PACS2: variants seen among roughly 807,000 people sequenced by gnomAD.
PACS2 encodes PACS1-like protein.
A neutral mutation model predicts 113.0 loss-of-function variants in PACS2; 36 were observed. The observed-to-expected ratio is 0.32, with a 90% CI of 0.24 to 0.42. The LOEUF (loss-of-function observed/expected upper bound fraction) is 0.42. Ranked by LOEUF, PACS2 falls within the 10% of genes least tolerant of loss-of-function variation. The pLI is 1.00. For missense variants in PACS2, 1,015 were observed against 1,239.5 expected, an observed-to-expected ratio of 0.82 and a Z score of 2.72; for synonymous variants, 589 against 536.1, an observed-to-expected ratio of 1.10 and a Z score of -1.36.
intron 7 of PACS2, among the ~76,000 whole-genome samples, chr14:105,369,597 T>G (rs2141159507): frequency 1.3e-5 from 2 of 152,240 alleles, no homozygotes; most frequent in South Asian, 4.1e-4. Flanking sequence ...CAGAGGCTTC[T>G]GGAAGAACCA....
chr14:105,374,434 A>T (rs1483607062), intron 8 of PACS2, among the ~76,000 whole-genome samples: 1 of 152,244 alleles, frequency 6.6e-6, no homozygotes, highest in East Asian at 1.9e-4. Flanking sequence ...TGAATCCAGA[A>T]CACATAAAGA....
At position 105,395,568 on chromosome 14, in the gene PACS2, G is replaced by C. The variant is rs2081507588; in HGVS notation, c.*896G>C. 1 of 152,292 alleles carries C rather than the reference G, an allele frequency of 6.6e-6. No homozygotes were observed. The highest frequency in any genetic ancestry group is 1.5e-5 in the Non-Finnish European group (1 of 68,084). The allele number at this position is 152,292 out of a possible 1,614,324, so 9.4% of individuals were successfully genotyped here. A position where few individuals can be genotyped will look rare whatever the true frequency, so the allele number is the denominator to read the frequency against. ...CTGAGGTCAGCCATGGGGATATCTG[G>C]GTTGAGATTCAGGTTTTGGTGAATA... On this transcript the variant is annotated 3_prime_UTR_variant, in exon 25 of 25. Coordinates refer to ENST00000447393, the MANE Select transcript of PACS2 (RefSeq NM_001100913.3).
chr14:105,369,990 C>G (rs1555408985), intron 8 of PACS2, 90 bp downstream of exon 8: 7 of 1,134,946 alleles, frequency 6.2e-6, no homozygotes, highest in Non-Finnish European at 8.9e-6. Flanking sequence ...TCCGGGCCAC[C>G]TCTGGTTCTG....
chr14:105,377,008 C>T, intron 9 of PACS2, 83 bp downstream of exon 9: 2 of 1,423,598 alleles, frequency 1.4e-6, no homozygotes, highest in Non-Finnish European at 1.9e-6. Context: ...AGACCCATGT[C>T]CAGCCCTGGA....
At chr14:105,370,790 C>T (rs1367637317) in intron 8 of PACS2, 2 of 152,118 alleles carry the variant, frequency 1.3e-5, no homozygotes, top group East Asian at 1.9e-4. Flanking sequence ...GAACTCCTGG[C>T]CTCAAGTGAT....
At chr14:105,302,915 G>A (rs971807943) in intron 1 of PACS2, among the ~76,000 whole-genome samples, 2 of 151,670 alleles carry the variant, frequency 1.3e-5, no homozygotes, top group African/African-American at 4.9e-5. Flanking sequence ...ACAGGCATGA[G>A]CCACTGCTCC....
At chr14:105,367,095 AG>A (rs1444910637) in intron 4 of PACS2, 117 bp from the exon 5 acceptor site, 1 of 889,496 alleles carries the variant, frequency 1.1e-6, no homozygotes, top group African/African-American at 1.7e-5. Flanking sequence ...TGCCCTGCTG[AG>A]GGTCCCCCTT....
chr14:105,313,322 C>T (rs144196917), upstream of PACS2, among the ~76,000 whole-genome samples: 105 of 152,328 alleles, frequency 6.9e-4, no homozygotes, highest in African/African-American at 2.4e-3. Context: ...GCTACCCCCT[C>T]TCTGGACATA....
chr14:105,391,542 G>C, intron 21 of PACS2, 89 bp from the exon 22 acceptor site: 1 of 881,164 alleles, frequency 1.1e-6, no homozygotes, highest in Non-Finnish European at 1.6e-6. Context: ...GGAGCTGCCT[G>C]GCCTGGCCAC....
chr14:105,375,540 C>G (rs1384891636), intron 8 of PACS2, among the ~76,000 whole-genome samples: 2 of 149,524 alleles, frequency 1.3e-5, no homozygotes, highest in African/African-American at 2.5e-5. Flanking sequence ...CAAAGACACA[C>G]AAGTAGCCAA....
Position 105,361,727 on chromosome 14 carries a change from G to A in PACS2, c.424-5486G>A, listed in dbSNP as rs1227352984. Among the ~76,000 whole-genome samples, 5 of 150,850 alleles carry A rather than the reference G, an allele frequency of 3.3e-5. No individual in the cohort carries two copies. The East Asian group carries it at 8.0e-4, about 24-fold the overall frequency. The stretch of plus-strand genomic sequence containing the variant: ...CACTTTGGGAGGCCAAGGCGGGCAG[G>A]TCACCTGAGGTCGGGAGCTCGAGAC... On this transcript the variant is annotated intron_variant, in intron 4 of 24. Coordinates refer to ENST00000447393, the MANE Select transcript of PACS2 (RefSeq NM_001100913.3).
chr14:105,387,233 G>T (rs1171560325), intron 19 of PACS2, among the ~76,000 whole-genome samples: 3 of 152,210 alleles, frequency 2.0e-5, no homozygotes, highest in East Asian at 1.9e-4. Flanking sequence ...TGTGACGGGG[G>T]ACCTGTGCAG....
At position 105,381,010 on chromosome 14, in the gene PACS2, T is replaced by C; in HGVS notation, c.1179T>C (p.Ala393=). The part of the protein sequence containing the change: ...HPGQPEDSPE[A]EASTLDVFTE... ...GACAGCCTGAGGACAGCCCCGAGGC[T>C]GAGGCCTCCACCCTGGATGTGTTCA... Residue 393 remains alanine (A), a synonymous_variant, in exon 12 of 25, where the codon GCT becomes GCC. Transcript: ENST00000447393. 6.2e-7 allele frequency: 1 copy of C among 1,612,462 alleles called. No homozygotes were observed. The highest frequency in any genetic ancestry group is 8.5e-7 in the Non-Finnish European group (1 of 1,179,652).
rs782149817 is a variant in PACS2, at chr14:105,352,514, G to A, written c.297+47G>A. ...ACGACACCCTCATCACTGTCCCCTGGGGAGACGGGCCCCCCTCATCACTGT... is the reference window on the plus strand; with the variant it reads ...ACGACACCCTCATCACTGTCCCCTGAGGAGACGGGCCCCCCTCATCACTGT... On this transcript the variant is annotated intron_variant, in intron 3 of 24. Transcript: ENST00000447393. 1.2e-5 allele frequency: 14 copies of A among 1,204,238 alleles called. 1 individual carries two copies. The South Asian group carries it at 1.7e-4, about 15-fold the overall frequency. 74.6% of individuals were successfully genotyped at this position (1,204,238 alleles called of 1,614,324 possible).
chr14:105,319,715 G>C (rs1276104670), intron 1 of PACS2, among the ~76,000 whole-genome samples: 1 of 152,126 alleles, frequency 6.6e-6, no homozygotes, highest in Non-Finnish European at 1.5e-5. Context: ...TGTTGAATAT[G>C]GTTGGTTGCG....
chr14:105,379,771 C>G lies in PACS2; in HGVS notation c.992C>G (p.Ser331Trp), dbSNP rs782775661. 1.2e-6 allele frequency: 2 copies of G among 1,613,716 alleles called. No individual in the cohort carries two copies. Among genetic ancestry groups the G allele is most frequent in the East Asian group, 2.2e-5 (1 of 44,882 alleles). Residue 331 changes from serine (S) to tryptophan (W), a missense_variant, in exon 10 of 25, where the codon TCG becomes TGG. Around this residue, in one of 3 missense-constraint regions of PACS2, gnomAD observed 859 missense variants for 1,056.8 expected, o/e 0.81. Coordinates refer to ENST00000447393, the MANE Select transcript of PACS2 (RefSeq NM_001100913.3). The part of the protein sequence containing the change: ...PYFEGLSHSS[S>W]QTEIGSIHSA... ...TTTGAAGGCCTGTCGCACTCGAGCT[C>G]GCAGACGGAGATTGGGAGCATCCAC...
At chr14:105,378,068 C>A (rs1230813121) in intron 9 of PACS2, among the ~76,000 whole-genome samples, 1 of 152,226 alleles carries the variant, frequency 6.6e-6, no homozygotes, top group Non-Finnish European at 1.5e-5. Flanking sequence ...ACCTTCGGAA[C>A]CAGCAAGGCC....
chr14:105,349,198 C>T lies in PACS2; in HGVS notation c.207+618C>T, dbSNP rs782108391. ...AGTGGCCCAGACAGGGAGGTGTCCC[C>T]GCCAACTGTCAGGGCCACCCCTGCC... On this transcript the variant is annotated intron_variant, in intron 2 of 24. Coordinates refer to ENST00000447393, the MANE Select transcript of PACS2 (RefSeq NM_001100913.3). Among the ~76,000 whole-genome samples the T allele has an allele frequency of 2.2e-4, 34 of 152,374 alleles. 1 individual carries two copies. In the Middle Eastern group the frequency reaches 0.02, roughly 91 times the overall value.
intron 1 of PACS2, among the ~76,000 whole-genome samples, chr14:105,305,263 G>C (rs1044141015): frequency 6.6e-6 from 1 of 152,080 alleles, no homozygotes; most frequent in Non-Finnish European, 1.5e-5. Flanking sequence ...TTAGCCGGTT[G>C]TGGTAGCATG....
Sources: gnomAD v4.1 joint callset for allele counts (sites outside exome capture counted in the v4.1 genomes callset) on GRCh38, gnomAD v4.1.1 for gene constraint, gnomAD v4.1.1 regional missense constraint, MANE v1.5 for transcripts, NCBI Gene and HGNC (gene_info 2026-07-23, HGNC 2026-07-21) for gene names.